Variants in NSG2 observed in about 807,000 individuals in gnomAD.
NSG2 encodes the protein neuronal vesicle trafficking-associated protein 2.
A neutral mutation model predicts 16.9 loss-of-function variants in NSG2; 4 were observed. The observed-to-expected ratio is 0.24, with a 90% confidence interval of 0.12 to 0.54. The LOEUF is 0.54. Among genes scored for constraint, NSG2 ranks in the 20% least tolerant of loss-of-function variants. NSG2 has a pLI of 0.95. For missense variants in NSG2, 179 were observed against 221.1 expected, an observed-to-expected ratio of 0.81 and a Z score of 1.21; for synonymous variants, 98 against 88.7, an observed-to-expected ratio of 1.11 and a Z score of -0.59.
chr5:174,070,654 C>A (rs1241672928), intron 3 of NSG2, among the ~76,000 whole-genome samples: 1 of 152,186 alleles, frequency 6.6e-6, no homozygotes, highest in Admixed American at 6.5e-5. Flanking sequence ...AGATGAGAAA[C>A]ATTCTGTGCA....
At chr5:174,081,523 G>C (rs116076621) in intron 3 of NSG2, 3 of 152,092 alleles carry the variant, frequency 2.0e-5, no homozygotes, top group Admixed American at 1.3e-4. Flanking sequence ...ATACATTACT[G>C]TATTTAAAAT....
intron 2 of NSG2, among the ~76,000 whole-genome samples, chr5:174,063,521 CTATTTTATTT>C (rs61400785): frequency 0.051 from 7,452 of 144,876 alleles, 347 homozygotes; most frequent in African/African-American, 0.13. Flanking sequence ...TCATAACTTT[CTATTTTATTT>C]TATTTTATTT....
chr5:174,070,471 C>T (rs549674499), intron 3 of NSG2, among the ~76,000 whole-genome samples: 8 of 152,288 alleles, frequency 5.3e-5, no homozygotes, highest in Non-Finnish European at 1.0e-4. Context: ...TGCCATTGTC[C>T]TGGCCAAGCT....
At chr5:174,105,849 G>A (rs943493508) in intron 4 of NSG2, among the ~76,000 whole-genome samples, 3 of 152,138 alleles carry the variant, frequency 2.0e-5, no homozygotes, top group South Asian at 4.2e-4. Context: ...GTAGTGAGCC[G>A]AGGCCGCGCC....
At chr5:174,079,257 C>G (rs151121355) in intron 3 of NSG2, among the ~76,000 whole-genome samples, 4,947 of 150,674 alleles carry the variant, frequency 0.033, 125 homozygotes, top group African/African-American at 0.07. Flanking sequence ...TTCTCTCTCT[C>G]TCTCTCTTTT....
intron 2 of NSG2, among the ~76,000 whole-genome samples, chr5:174,051,047 C>T (rs561278466): frequency 6.6e-5 from 10 of 152,288 alleles, no homozygotes; most frequent in African/African-American, 1.2e-4. Flanking sequence ...TCCCACGTTG[C>T]GCCTCGAATG....
intron 3 of NSG2, among the ~76,000 whole-genome samples, chr5:174,075,319 C>T (rs1028411220): frequency 2.0e-5 from 3 of 152,008 alleles, no homozygotes; most frequent in South Asian, 2.1e-4. Context: ...GTATGTGCAC[C>T]GATGTGTGGT....
intron 3 of NSG2, among the ~76,000 whole-genome samples, chr5:174,074,128 A>G (rs903064555): frequency 1.3e-5 from 2 of 152,164 alleles, no homozygotes; most frequent in Non-Finnish European, 2.9e-5. Flanking sequence ...GAAAGGCGAT[A>G]TGGAAGAAAC....
Position 174,107,220 on chromosome 5 carries a change from G to C in NSG2, c.325-94G>C, listed in dbSNP as rs183654574. 5 of 1,172,360 alleles carry C rather than the reference G, an allele frequency of 4.3e-6. No individual in the cohort carries two copies. Among genetic ancestry groups the C allele is most frequent in the Non-Finnish European group, 5.9e-6 (5 of 845,112 alleles). 72.6% of individuals were successfully genotyped at this position (1,172,360 alleles called of 1,614,324 possible). On this transcript the variant is annotated intron_variant, in intron 4 of 4. Transcript: ENST00000303177. The surrounding 1 kb of genome is among the most constrained non-coding windows in gnomAD (Gnocchi z 4.5). Reference sequence around the variant, plus strand: ...TCACCTGCCCTCTGGCTGACAGCCCGATGCAGCTGCACTCCAGTCAGGGTG... The same window carrying C: ...TCACCTGCCCTCTGGCTGACAGCCCCATGCAGCTGCACTCCAGTCAGGGTG...
intron 3 of NSG2, among the ~76,000 whole-genome samples, chr5:174,066,914 C>T (rs1436530010): frequency 2.2e-5 from 3 of 133,862 alleles, no homozygotes; most frequent in African/African-American, 5.9e-5. Context: ...GGCGTGAACC[C>T]GGGAGGCGGA....
chr5:174,084,885 G>A lies in NSG2; in HGVS notation c.214-19343G>A, dbSNP rs75271220. On this transcript the variant is annotated intron_variant, in intron 3 of 4. Coordinates refer to ENST00000303177, the MANE Select transcript of NSG2 (RefSeq NM_015980.5). Reference sequence around the variant, plus strand: ...GATGTCTCTGTGGCCTTGCAGGCTGGCTGTGCGTGCACTCCTGTGTCTACT... The same window carrying A: ...GATGTCTCTGTGGCCTTGCAGGCTGACTGTGCGTGCACTCCTGTGTCTACT... Among the ~76,000 whole-genome samples, 259 of 152,322 alleles carry A rather than the reference G, an allele frequency of 1.7e-3. 1 individual carries two copies. The highest frequency in any genetic ancestry group is 0.015 in the East Asian group (78 of 5,186).
At chr5:174,085,461 A>G (rs1207203984) in intron 3 of NSG2, among the ~76,000 whole-genome samples, 1 of 152,212 alleles carries the variant, frequency 6.6e-6, no homozygotes, top group Non-Finnish European at 1.5e-5. Flanking sequence ...CTAAACTGCT[A>G]TATCATCTGT....
intron 3 of NSG2, among the ~76,000 whole-genome samples, chr5:174,070,405 G>A (rs1760218392): frequency 6.6e-6 from 1 of 152,160 alleles, no homozygotes; most frequent in Non-Finnish European, 1.5e-5. Flanking sequence ...AACAAAGCAA[G>A]AACCCAGCTT....
intron 3 of NSG2, chr5:174,091,140 T>C (rs1296328901): frequency 6.6e-6 from 1 of 151,226 alleles, no homozygotes; most frequent in Admixed American, 6.6e-5. Flanking sequence ...GCCGGGCTCA[T>C]GTCTCCATGG....
intron 3 of NSG2, among the ~76,000 whole-genome samples, chr5:174,067,410 G>C (rs1257527527): frequency 1.3e-5 from 2 of 152,162 alleles, no homozygotes; most frequent in Non-Finnish European, 2.9e-5. Flanking sequence ...TCAGCTAAGA[G>C]AAAAAGGGTG....
intron 4 of NSG2, among the ~76,000 whole-genome samples, chr5:174,106,659 A>G (rs1760986766): frequency 7.8e-6 from 1 of 128,812 alleles, no homozygotes; most frequent in African/African-American, 3.0e-5. Flanking sequence ...CAGTGGTGCC[A>G]TCTCGGCTCA....
rs1761023179 is a variant in NSG2, at chr5:174,108,650, C to T, written c.*1145C>T. 6.6e-6 allele frequency: 1 copy of T among 152,352 alleles called. No individual in the cohort carries two copies. The allele number at this position is 152,352 out of a possible 1,614,324, so 9.4% of individuals were successfully genotyped here. On this transcript the variant is annotated 3_prime_UTR_variant, in exon 5 of 5. Transcript: ENST00000303177. ...ACTCCCCAACCGAGTTCTAGAAGCT[C>T]CTGACAAGGAGGCAGCATCCAGCCT...
chr5:174,047,755 G>A (rs1368527574), intron 2 of NSG2, among the ~76,000 whole-genome samples: 1 of 152,186 alleles, frequency 6.6e-6, no homozygotes, highest in African/African-American at 2.4e-5. Flanking sequence ...GGTGGGATGG[G>A]GGTTATGGAC....
chr5:174,095,341 G>A (rs1018506834), intron 3 of NSG2, among the ~76,000 whole-genome samples: 1 of 152,150 alleles, frequency 6.6e-6, no homozygotes, highest in Non-Finnish European at 1.5e-5. Flanking sequence ...ACAGTTCAGG[G>A]TGTCAGACAT....
Sources: gnomAD v4.1 joint callset for allele counts (sites outside exome capture counted in the v4.1 genomes callset) on GRCh38, gnomAD v4.1.1 for gene constraint, Gnocchi (gnomAD v3.1) non-coding constraint, MANE v1.5 for transcripts, NCBI Gene and HGNC (gene_info 2026-07-23, HGNC 2026-07-21) for gene names.